Variants in NEB observed in about 807,000 individuals in gnomAD.
The protein encoded by NEB is nemaline myopathy type 2.
Under a neutral mutation model 952.2 loss-of-function variants are expected in NEB, and 512 were observed. That is an observed-to-expected ratio of 0.54 (90% CI 0.50 to 0.58). NEB has a LOEUF of 0.58. Ranked by LOEUF, NEB falls within the 20% of genes least tolerant of loss-of-function variation. NEB has a pLI of 0.00. For missense variants in NEB, 8,428 were observed against 9,231.1 expected (o/e 0.91, Z 3.56); for synonymous variants, 2,900 against 3,149.8 (o/e 0.92, Z 2.66).
At chr2:151,711,830 A>G (rs2099746212) in intron 10 of NEB, among the ~76,000 whole-genome samples, 1 of 152,228 alleles carries the variant, frequency 6.6e-6, no homozygotes, top group Non-Finnish European at 1.5e-5. Context: ...TGTCATCATC[A>G]TAACAGAAAG....
Position 151,524,542 on chromosome 2 carries a change from G to C in NEB, c.22347C>G (p.Ala7449=). ...TVADRPDIKK[A]TQAAKQASEV... is the part of the protein sequence containing the mutation. ...CACTGGCCTGTTTGGCTGCCTGTGT[G>C]GCCTTCTTGATGTCTGGTCGATCAG... Residue 7449 remains alanine (A), a synonymous_variant, in exon 152 of 182, where the codon GCC becomes GCG. Transcript: ENST00000397345. The C allele has an allele frequency of 6.2e-7, 1 of 1,613,678 alleles. No individual in the cohort carries two copies. Among genetic ancestry groups the C allele is most frequent in the Non-Finnish European group, 8.5e-7 (1 of 1,179,866 alleles).
chr2:151,701,447 T>C (rs982963858), intron 13 of NEB, among the ~76,000 whole-genome samples: 6 of 149,112 alleles, frequency 4.0e-5, no homozygotes, highest in Non-Finnish European at 6.0e-5. Context: ...ATGGTACCAG[T>C]TCCTCCTTGT....
Position 151,650,310 on chromosome 2 carries a change from C to T in NEB, c.7297G>A (p.Glu2433Lys). ...GWSPLGSLEA[E>K]KNKRASEIIS... ...ATTTCCGAAGCCCGCTTGTTCTTTT[C>T]TGCCTCTAAAGAACCCAAGGGACTC... Residue 2433 changes from glutamate (E) to lysine (K), a missense_variant, in exon 54 of 182, where the codon GAA becomes AAA. Physicochemically the swap from Glu to Lys is moderately conservative, Grantham distance 56. Coordinates refer to ENST00000397345, the MANE Select transcript of NEB (RefSeq NM_001164508.2). 1 of 1,613,914 alleles carries T rather than the reference C, an allele frequency of 6.2e-7. No homozygotes were observed. Among genetic ancestry groups the T allele is most frequent in the East Asian group, 2.2e-5 (1 of 44,866 alleles).
At chr2:151,660,630 T>C (rs536114462) in intron 46 of NEB, among the ~76,000 whole-genome samples, 1 of 152,206 alleles carries the variant, frequency 6.6e-6, no homozygotes, top group Non-Finnish European at 1.5e-5. Context: ...TTTTTCTGTA[T>C]AGACAGAAAT....
intron 13 of NEB, among the ~76,000 whole-genome samples, chr2:151,701,418 T>C (rs2099667606): frequency 1.3e-5 from 2 of 149,458 alleles, no homozygotes; most frequent in Admixed American, 6.6e-5. Context: ...TTCTATTGAT[T>C]GGAATAGTTT....
At chr2:151,526,118 C>G in intron 149 of NEB, 40 bp downstream of exon 149, 1 of 1,612,442 alleles carries the variant, frequency 6.2e-7, no homozygotes, top group African/African-American at 1.3e-5. Context: ...GGGGCGTTCT[C>G]CCAAGAGGGA....
At chr2:151,650,108 G>A (rs1189610429) in intron 54 of NEB, 68 bp downstream of exon 54, 2 of 1,427,112 alleles carry the variant, frequency 1.4e-6, no homozygotes, top group Non-Finnish European at 2.0e-6. Context: ...CATTTATTAA[G>A]CAAGTGCTAT....
Position 151,667,676 on chromosome 2 carries a change from C to T in NEB, c.4719+128G>A, listed in dbSNP as rs866560636. Reference sequence around the variant, plus strand: ...TCAAATAGTTGGAACTACAGGTACACGCCACCACATCTGGCTAATTTTTTT... The same window carrying T: ...TCAAATAGTTGGAACTACAGGTACATGCCACCACATCTGGCTAATTTTTTT... On this transcript the variant is annotated intron_variant, in intron 40 of 181. Coordinates refer to ENST00000397345, the MANE Select transcript of NEB (RefSeq NM_001164508.2). 2.8e-4 allele frequency: 165 copies of T among 582,770 alleles called. No individual in the cohort carries two copies. The Middle Eastern group carries it at 3.2e-3, about 11-fold the overall frequency. 36.1% of individuals were successfully genotyped at this position (582,770 alleles called of 1,614,324 possible). A position where few individuals can be genotyped will look rare whatever the true frequency, so the allele number is the denominator to read the frequency against.
rs780741468 is a variant in NEB at position 151,519,725 on chromosome 2, G to C, written c.22523C>G (p.Pro7508Arg). Reference protein sequence around the residue: ...ENFDKEKGKTPKYNPKDSQLY... With the variant: ...ENFDKEKGKTRKYNPKDSQLY... Reference sequence around the variant, plus strand: ...CTGGCTGTCTTTTGGATTGTATTTTGGTGTCTTGCCCTTTTCTTTATCGAA... The same window carrying C: ...CTGGCTGTCTTTTGGATTGTATTTTCGTGTCTTGCCCTTTTCTTTATCGAA... The change falls in exon 154 of 182, where the codon CCA becomes CGA. Residue 7508 changes from proline (P) to arginine (R), a missense_variant. Physicochemically the swap from Pro to Arg is moderately radical, Grantham distance 103. Transcript: ENST00000397345. 6.2e-7 allele frequency: 1 copy of C among 1,612,888 alleles called. No individual in the cohort carries two copies. Among genetic ancestry groups the C allele is most frequent in the Non-Finnish European group, 8.5e-7 (1 of 1,179,294 alleles).
intron 80 of NEB, 76 bp downstream of exon 80, chr2:151,610,440 G>C: frequency 9.4e-7 from 1 of 1,067,186 alleles, no homozygotes; most frequent in Non-Finnish European, 1.4e-6. Context: ...TCACTATAGA[G>C]TGTGTGGTTC....
intron 24 of NEB, chr2:151,689,846 T>C (rs925847171): frequency 6.6e-6 from 1 of 152,224 alleles, no homozygotes; most frequent in Non-Finnish European, 1.5e-5. Context: ...GCACACGAGC[T>C]GAAATGACTT....
Position 151,639,287 on chromosome 2 carries a change from T to C in NEB, c.8987A>G (p.Tyr2996Cys). 2 of 1,538,086 alleles carry C rather than the reference T, an allele frequency of 1.3e-6. No homozygotes were observed. Among genetic ancestry groups the C allele is most frequent in the Non-Finnish European group, 1.7e-6 (2 of 1,144,098 alleles). Residue 2996 changes from tyrosine to cysteine, a missense_variant, in exon 63 of 182, where the codon TAC (tyrosine) becomes TGC (cysteine). By Grantham distance (194) the Tyr-to-Cys change is radical (BLOSUM62 -2). This residue lies in a region of NEB where 1,772 missense variants were observed against 1,960.3 expected (regional missense o/e 0.90). Transcript: ENST00000397345. ...CAAAGAATCTGCTCTCACCTCACTG[T>C]AGTTGATTTTGTTCATTCTTGCCAA... ...IMLARMNKIN[Y>C]SESLYKLANE...
chr2:151,529,655 T>C lies in NEB; in HGVS notation c.21631-341A>G, dbSNP rs188954469. ...AAGCAATTCTCCTGCCTCAGCCTCC[T>C]GAGTACCTGGGACCACAGGCATGCG... is the stretch of plus-strand genomic sequence containing the variant. On this transcript the variant is annotated intron_variant, in intron 145 of 181. Coordinates refer to ENST00000397345, the MANE Select transcript of NEB (RefSeq NM_001164508.2). 6.8e-3 allele frequency among the ~76,000 whole-genome samples: 1,037 copies of C among 152,146 alleles called. 24 individuals are homozygous for C. Among genetic ancestry groups the C allele is most frequent in the Admixed American group, 0.039 (588 of 15,262 alleles).
chr2:151,690,971 G>GTCTC (rs141120434), intron 23 of NEB, 146 bp from the exon 24 acceptor site: 10 of 597,784 alleles, frequency 1.7e-5, no homozygotes, highest in South Asian at 5.7e-5. Context: ...TTCTCTGTCT[G>GTCTC]TCTCTCTCTC....
At chr2:151,621,830 G>A (rs1020909043) in intron 71 of NEB, among the ~76,000 whole-genome samples, 2 of 151,914 alleles carry the variant, frequency 1.3e-5, no homozygotes, top group Admixed American at 6.6e-5. Flanking sequence ...TGCCAACATC[G>A]GTATTCAATA....
intron 74 of NEB, among the ~76,000 whole-genome samples, chr2:151,617,818 T>C (rs1397284004): frequency 6.6e-6 from 1 of 151,942 alleles, no homozygotes; most frequent in Non-Finnish European, 1.5e-5. Context: ...TCCCAGCACT[T>C]TGGGAGGCCG....
chr2:151,638,943 A>C (rs1405134473), intron 63 of NEB, among the ~76,000 whole-genome samples: 2 of 152,144 alleles, frequency 1.3e-5, no homozygotes, highest in African/African-American at 4.8e-5. Context: ...TATATGGAAA[A>C]TATATTTACT....
intron 164 of NEB, 133 bp from the exon 165 acceptor site, chr2:151,505,703 G>T: frequency 2.8e-6 from 2 of 712,494 alleles, no homozygotes; most frequent in Middle Eastern, 3.8e-4. Context: ...TTTATACTTA[G>T]TGTGAATGGG....
At chr2:151,612,784 T>G (rs939283930) in intron 77 of NEB, among the ~76,000 whole-genome samples, 5 of 152,214 alleles carry the variant, frequency 3.3e-5, no homozygotes, top group Non-Finnish European at 7.3e-5. Context: ...ATAGCTCTTC[T>G]TGGTATATAG....
Sources: allele counts gnomAD v4.1 joint callset (sites outside exome capture counted in the v4.1 genomes callset), GRCh38; gene constraint gnomAD v4.1.1; regional missense constraint gnomAD v4.1.1; transcripts MANE v1.5; gene names NCBI Gene and HGNC (gene_info 2026-07-23, HGNC 2026-07-21).